Variants in ACAP2 observed in about 807,000 individuals in gnomAD.
ACAP2 encodes arf-GAP with coiled-coil, ANK repeat and PH domain-containing protein 2.
In ACAP2, 39 loss-of-function variants were observed where a neutral mutation model predicts 115.8. The observed-to-expected ratio is 0.34, with a 90% CI of 0.26 to 0.44. ACAP2 has a LOEUF of 0.44. Ranked by LOEUF, ACAP2 falls within the 20% of genes least tolerant of loss-of-function variation. ACAP2 has a pLI of 1.00. For synonymous variants in ACAP2, 289 were observed against 315.8 expected, an observed-to-expected ratio of 0.92 and a Z score of 0.90; for missense variants, 662 against 927.6, an observed-to-expected ratio of 0.71 and a Z score of 3.72.
chr3:195,317,303 A>T (rs1729158941), intron 10 of ACAP2, among the ~76,000 whole-genome samples: 1 of 152,186 alleles, frequency 6.6e-6, no homozygotes, highest in Non-Finnish European at 1.5e-5. Flanking sequence ...AAAAATGTAC[A>T]CAAAGTTAAA....
intron 20 of ACAP2, among the ~76,000 whole-genome samples, chr3:195,290,334 A>G (rs1299022592): frequency 6.6e-6 from 1 of 152,120 alleles, no homozygotes; most frequent in African/African-American, 2.4e-5. Context: ...GCCTATGAAC[A>G]GTCACCACAC....
intron 4 of ACAP2, among the ~76,000 whole-genome samples, chr3:195,365,665 T>C (rs559523312): frequency 3.9e-4 from 60 of 152,260 alleles, no homozygotes; most frequent in Middle Eastern, 3.4e-3. Context: ...CCGGAATCTA[T>C]AGAAAAGGGC....
intron 2 of ACAP2, among the ~76,000 whole-genome samples, chr3:195,388,998 T>C (rs1455187702): frequency 2.7e-5 from 4 of 150,006 alleles, no homozygotes; most frequent in African/African-American, 9.9e-5. Flanking sequence ...CACTCCAGCC[T>C]GGGTGACAGA....
At chr3:195,400,821 G>T (rs1577418275) in intron 1 of ACAP2, among the ~76,000 whole-genome samples, 1 of 152,174 alleles carries the variant, frequency 6.6e-6, no homozygotes, top group South Asian at 2.1e-4. Flanking sequence ...TCAAAGATGG[G>T]ATATAAGCAG....
chr3:195,331,480 T>C (rs933563862), intron 8 of ACAP2, among the ~76,000 whole-genome samples: 3 of 151,744 alleles, frequency 2.0e-5, no homozygotes, highest in African/African-American at 7.3e-5. Context: ...GCCTGGATAA[T>C]TTTTGTATTT....
At position 195,291,766 on chromosome 3, in the gene ACAP2, T is replaced by C. The variant is rs763075303; in HGVS notation, c.2003A>G (p.Asn668Ser). 17 of 1,614,062 alleles carry C rather than the reference T, an allele frequency of 1.1e-5. No homozygotes were observed. The East Asian group carries it at 1.1e-4, about 11-fold the overall frequency. The change falls in exon 20 of 23, where the codon AAC (asparagine) becomes AGC (serine). Residue 668 changes from asparagine to serine, a missense_variant. Physicochemically the swap from Asn to Ser is conservative, Grantham distance 46 (BLOSUM62 1). Coordinates refer to ENST00000326793, the MANE Select transcript of ACAP2 (RefSeq NM_012287.6). ...EFLLQNGANV[N>S]QRDVQGRGPL... ...TCCCCGCCCTTGGACATCTCTTTGG[T>C]TGACATTAGCACCATTCTGTAGGAG...
intron 1 of ACAP2, among the ~76,000 whole-genome samples, chr3:195,438,421 T>C (rs1317741370): frequency 3.3e-5 from 5 of 152,088 alleles, no homozygotes; most frequent in African/African-American, 1.2e-4. Context: ...CCCTCAGCCC[T>C]TACCCACTGT....
At chr3:195,386,922 G>A (rs1017197818) in intron 2 of ACAP2, among the ~76,000 whole-genome samples, 1 of 152,152 alleles carries the variant, frequency 6.6e-6, no homozygotes, top group Non-Finnish European at 1.5e-5. Flanking sequence ...AACTCAGAAA[G>A]TAGGATATCA....
intron 22 of ACAP2, among the ~76,000 whole-genome samples, chr3:195,284,825 A>C (rs1403259890): frequency 6.6e-6 from 1 of 152,230 alleles, no homozygotes; most frequent in East Asian, 1.9e-4. Context: ...ATTTTTTACT[A>C]ATGTGTATAT....
chr3:195,365,404 C>T (rs553197651), intron 4 of ACAP2, among the ~76,000 whole-genome samples: 78 of 152,154 alleles, frequency 5.1e-4, no homozygotes, highest in Non-Finnish European at 9.1e-4. Context: ...TATGCACCCA[C>T]AAAAATTTTA....
intron 11 of ACAP2, among the ~76,000 whole-genome samples, chr3:195,308,401 T>A (rs187276742): frequency 6.6e-6 from 1 of 151,102 alleles, no homozygotes; most frequent in Non-Finnish European, 1.5e-5. Context: ...AAGACAAAAA[T>A]GTTTGAGGTG....
At chr3:195,291,212 G>A (rs1039048265) in intron 20 of ACAP2, among the ~76,000 whole-genome samples, 13 of 152,240 alleles carry the variant, frequency 8.5e-5, no homozygotes, top group South Asian at 4.1e-4. Flanking sequence ...TTATTGTTCT[G>A]TGAATCTTAC....
At chr3:195,415,334 C>T (rs1713630741) in intron 1 of ACAP2, among the ~76,000 whole-genome samples, 1 of 147,548 alleles carries the variant, frequency 6.8e-6, no homozygotes, top group Non-Finnish European at 1.5e-5. Context: ...GCTGGAAGTG[C>T]AGTGCTGCAA....
intron 9 of ACAP2, among the ~76,000 whole-genome samples, chr3:195,325,898 T>C (rs1020820087): frequency 1.3e-5 from 2 of 152,190 alleles, no homozygotes; most frequent in East Asian, 1.9e-4. Context: ...CGAAACAAAA[T>C]AAAACGTGGA....
intron 6 of ACAP2, among the ~76,000 whole-genome samples, chr3:195,340,125 C>T (rs1416496434): frequency 6.6e-6 from 1 of 151,160 alleles, no homozygotes; most frequent in African/African-American, 2.4e-5. Context: ...CATGAGAAGA[C>T]TTTAATACTC....
intron 4 of ACAP2, among the ~76,000 whole-genome samples, chr3:195,375,962 A>G (rs1465128921): frequency 6.6e-6 from 1 of 152,192 alleles, no homozygotes; most frequent in Non-Finnish European, 1.5e-5. Flanking sequence ...AGAATCCAAA[A>G]GTGTCATCAA....
intron 2 of ACAP2, among the ~76,000 whole-genome samples, chr3:195,389,729 T>G (rs908106336): frequency 7.2e-5 from 11 of 152,212 alleles, no homozygotes; most frequent in African/African-American, 2.7e-4. Flanking sequence ...AATTTTTAAG[T>G]AGAAAACGAA....
At chr3:195,422,630 C>T (rs1291143990) in intron 1 of ACAP2, among the ~76,000 whole-genome samples, 2 of 152,080 alleles carry the variant, frequency 1.3e-5, no homozygotes, top group African/African-American at 2.4e-5. Flanking sequence ...TGCACTACTA[C>T]ACCTGGCTAA....
At chr3:195,399,587 G>A (rs955695687) in intron 1 of ACAP2, among the ~76,000 whole-genome samples, 1 of 150,336 alleles carries the variant, frequency 6.7e-6, no homozygotes, top group East Asian at 2.0e-4. Context: ...CTTCCCAGTG[G>A]GGAAAAAAAA....
Sources: allele counts gnomAD v4.1 joint callset (sites outside exome capture counted in the v4.1 genomes callset), GRCh38; gene constraint gnomAD v4.1.1; transcripts MANE v1.5; gene names NCBI Gene and HGNC (gene_info 2026-07-23, HGNC 2026-07-21).